Variants in KSR2 observed in about 807,000 individuals in gnomAD.
KSR2 encodes the protein kinase suppressor of ras 2.
Under a neutral mutation model 107.8 loss-of-function variants are expected in KSR2, and 25 were observed. The observed-to-expected ratio is 0.23, with a 90% CI of 0.17 to 0.32. The LOEUF (loss-of-function observed/expected upper bound fraction) is 0.32. Among genes scored for constraint, KSR2 ranks in the 10% least tolerant of loss-of-function variants. The pLI is 1.00. For synonymous variants in KSR2, 480 were observed against 507.0 expected (o/e 0.95, Z 0.71); for missense variants, 887 against 1,268.9 (o/e 0.70, Z 4.57).
intron 5 of KSR2, among the ~76,000 whole-genome samples, chr12:117,653,318 A>C (rs7298395): frequency 8.7e-4 from 133 of 152,348 alleles, no homozygotes; most frequent in African/African-American, 3.0e-3. Flanking sequence ...CTTGGCAAAT[A>C]CCTTTTTCTC....
At chr12:117,584,518 G>A (rs1879877050) in intron 5 of KSR2, among the ~76,000 whole-genome samples, 1 of 152,178 alleles carries the variant, frequency 6.6e-6, no homozygotes, top group African/African-American at 2.4e-5. Context: ...CCAAAGAAGT[G>A]TGTTAAAATG....
chr12:117,825,143 C>T (rs565418372), intron 3 of KSR2, among the ~76,000 whole-genome samples: 1 of 152,304 alleles, frequency 6.6e-6, no homozygotes, highest in Non-Finnish European at 1.5e-5. Flanking sequence ...CATTGCGCCA[C>T]TGCACTCCAG....
intron 4 of KSR2, among the ~76,000 whole-genome samples, chr12:117,749,245 T>C (rs1474752515): frequency 2.0e-5 from 3 of 150,514 alleles, no homozygotes; most frequent in East Asian, 4.0e-4. Flanking sequence ...TAAGTACAGC[T>C]AGGGAGTATA....
chr12:117,938,916 A>C (rs1895922996), intron 1 of KSR2, among the ~76,000 whole-genome samples: 1 of 152,112 alleles, frequency 6.6e-6, no homozygotes, highest in Non-Finnish European at 1.5e-5. Flanking sequence ...AGTGGACTGG[A>C]CTATTTATGC....
chr12:117,510,599 G>A (rs977578102), intron 14 of KSR2, among the ~76,000 whole-genome samples: 41 of 152,044 alleles, frequency 2.7e-4, no homozygotes, highest in African/African-American at 9.7e-4. Flanking sequence ...GCGACAGGCC[G>A]GGAGCAGTGG....
intron 5 of KSR2, among the ~76,000 whole-genome samples, chr12:117,631,671 C>A (rs1036055523): frequency 2.0e-5 from 3 of 152,116 alleles, no homozygotes; most frequent in Non-Finnish European, 1.5e-5. Flanking sequence ...AGTTCATTAA[C>A]AACCAGAATC....
chr12:117,952,575 G>C (rs1380200255), intron 1 of KSR2, among the ~76,000 whole-genome samples: 11 of 152,052 alleles, frequency 7.2e-5, no homozygotes, highest in African/African-American at 2.7e-4. Context: ...ACTTGGGAAG[G>C]TGAGGCAGGA....
intron 1 of KSR2, among the ~76,000 whole-genome samples, chr12:117,922,502 G>A (rs964027242): frequency 2.6e-5 from 4 of 152,078 alleles, no homozygotes; most frequent in Non-Finnish European, 4.4e-5. Flanking sequence ...AAGCACTTGG[G>A]GACATTTTAT....
intron 4 of KSR2, among the ~76,000 whole-genome samples, chr12:117,714,237 C>G (rs1274916774): frequency 6.6e-6 from 1 of 152,156 alleles, no homozygotes; most frequent in Non-Finnish European, 1.5e-5. Context: ...AAATGATAAA[C>G]TGCACCGTTC....
chr12:117,851,840 G>A (rs754632946), intron 3 of KSR2, among the ~76,000 whole-genome samples: 9 of 151,396 alleles, frequency 5.9e-5, no homozygotes, highest in Non-Finnish European at 1.0e-4. Context: ...GCAGTGAGCC[G>A]AGATCATGCC....
rs1242975583 is a variant in KSR2, at chr12:117,761,423, G to A, written c.574C>T (p.Arg192Cys). 2 of 1,612,100 alleles carry A rather than the reference G, an allele frequency of 1.2e-6. No homozygotes were observed. Among genetic ancestry groups the A allele is most frequent in the East Asian group, 2.2e-5 (1 of 44,844 alleles). ...CTGGGGCTCTGGGAGAGATGGGTGC[G>A]GATCCACGGGGTGGGCTCCGGGGGG... ...VCPPEPTPWIRTHLSQSPRVP... is the reference protein window; with the variant it reads ...VCPPEPTPWICTHLSQSPRVP... The change falls in exon 4 of 20, where the codon CGC becomes TGC. Residue 192 changes from arginine to cysteine, a missense_variant. Arg to Cys is a radical substitution (Grantham distance 180). This residue lies in a region of KSR2 where 399 missense variants were observed against 479.5 expected (regional missense o/e 0.83). Transcript: ENST00000339824.
chr12:117,618,256 T>TGC (rs1881988809), intron 5 of KSR2, among the ~76,000 whole-genome samples: 1 of 152,070 alleles, frequency 6.6e-6, no homozygotes, highest in Non-Finnish European at 1.5e-5. Context: ...CTATTTCTAG[T>TGC]TTACCCTTAC....
intron 5 of KSR2, among the ~76,000 whole-genome samples, chr12:117,610,665 G>A (rs780880254): frequency 6.6e-6 from 1 of 151,406 alleles, no homozygotes; most frequent in Non-Finnish European, 1.5e-5. Context: ...ATTGAGCCCA[G>A]GAGGTCAAGG....
intron 14 of KSR2, among the ~76,000 whole-genome samples, chr12:117,508,824 T>A (rs1464989861): frequency 6.8e-6 from 1 of 146,982 alleles, no homozygotes; most frequent in Non-Finnish European, 1.5e-5. Flanking sequence ...AATGGGTAGA[T>A]GGATAGGTGG....
chr12:117,593,132 G>A (rs1880424207), intron 5 of KSR2, among the ~76,000 whole-genome samples: 1 of 152,164 alleles, frequency 6.6e-6, no homozygotes, highest in African/African-American at 2.4e-5. Context: ...TAGCGGTGCA[G>A]AGCCATCTCA....
At chr12:117,845,678 C>CT (rs201734318) in intron 3 of KSR2, among the ~76,000 whole-genome samples, 2,889 of 149,894 alleles carry the variant, frequency 0.019, 96 homozygotes, top group African/African-American at 0.066. Context: ...GACTCTTTTT[C>CT]TTTCTTTTTT....
chr12:117,695,940 T>C (rs1886039076), intron 4 of KSR2, among the ~76,000 whole-genome samples: 1 of 152,120 alleles, frequency 6.6e-6, no homozygotes, highest in Non-Finnish European at 1.5e-5. Context: ...AAATGGAAGC[T>C]GAACTTGTGC....
chr12:117,833,909 G>T (rs1036720545), intron 3 of KSR2, among the ~76,000 whole-genome samples: 1 of 151,536 alleles, frequency 6.6e-6, no homozygotes, highest in Non-Finnish European at 1.5e-5. Context: ...CAGGCGGATC[G>T]CTTGAGCCCA....
At chr12:117,549,584 G>A (rs921215574) in intron 9 of KSR2, among the ~76,000 whole-genome samples, 2 of 152,124 alleles carry the variant, frequency 1.3e-5, no homozygotes, top group Admixed American at 6.5e-5. Context: ...TCACATGGTG[G>A]CCCCTCAGTA....
Sources: allele counts gnomAD v4.1 joint callset (sites outside exome capture counted in the v4.1 genomes callset), GRCh38; gene constraint gnomAD v4.1.1; regional missense constraint gnomAD v4.1.1; transcripts MANE v1.5; gene names NCBI Gene and HGNC (gene_info 2026-07-23, HGNC 2026-07-21).